PRKG1: variants seen among roughly 807,000 people sequenced by gnomAD.
The protein encoded by PRKG1 is cGMP-dependent protein kinase 1.
Under a neutral mutation model 88.1 loss-of-function variants are expected in PRKG1, and 35 were observed. The ratio of observed to expected loss-of-function variants is 0.40; its 90% CI spans 0.30 to 0.53. PRKG1 has a LOEUF of 0.53. Among genes scored for constraint, PRKG1 ranks in the 20% least tolerant of loss-of-function variants. The probability of loss-of-function intolerance (pLI) is 0.59; values close to 1 mark genes in which losing one functional copy is unlikely to be tolerated. For synonymous variants in PRKG1, 303 were observed against 292.5 expected, an observed-to-expected ratio of 1.04 and a Z score of -0.37; for missense variants, 540 against 839.8, an observed-to-expected ratio of 0.64 and a Z score of 4.41.
intron 3 of PRKG1, among the ~76,000 whole-genome samples, chr10:51,749,730 T>G (rs1268332066): frequency 1.3e-5 from 2 of 152,100 alleles, no homozygotes; most frequent in African/African-American, 4.8e-5. Context: ...CTCAATACAT[T>G]TTTCCCAACA....
chr10:51,804,784 C>T (rs2132611600), intron 4 of PRKG1, 94 bp downstream of exon 4: 1 of 828,882 alleles, frequency 1.2e-6, no homozygotes, highest in South Asian at 1.5e-5. Flanking sequence ...GTGCTTTTTG[C>T]CTTTCTCTCA....
At chr10:52,224,108 C>A (rs1840318492) in intron 9 of PRKG1, among the ~76,000 whole-genome samples, 1 of 152,040 alleles carries the variant, frequency 6.6e-6, no homozygotes, top group African/African-American at 2.4e-5. Context: ...GAATAAAAGG[C>A]AAATCTTTAC....
chr10:51,883,098 G>A (rs973729902), intron 4 of PRKG1, among the ~76,000 whole-genome samples: 2 of 152,208 alleles, frequency 1.3e-5, no homozygotes, highest in African/African-American at 4.8e-5. Flanking sequence ...GAACAAAAAG[G>A]TGGAAAAAGG....
At chr10:51,562,610 T>C (rs1248400123) in intron 3 of PRKG1, among the ~76,000 whole-genome samples, 1 of 152,120 alleles carries the variant, frequency 6.6e-6, no homozygotes, top group African/African-American at 2.4e-5. Flanking sequence ...CATCTGGAAA[T>C]GTATTATCTC....
chr10:51,003,317 A>T (rs78435339), intron 1 of PRKG1, among the ~76,000 whole-genome samples: 2 of 152,286 alleles, frequency 1.3e-5, no homozygotes, highest in East Asian at 3.9e-4. Context: ...CAAATTCCCG[A>T]AGTATAGCAG....
chr10:52,179,808 C>T (rs1366532160), intron 9 of PRKG1, among the ~76,000 whole-genome samples: 2 of 152,182 alleles, frequency 1.3e-5, no homozygotes, highest in African/African-American at 4.8e-5. Context: ...CCTGCCTCAG[C>T]CTCCCAAGTA....
At chr10:52,234,472 G>C (rs1478514881) in intron 9 of PRKG1, among the ~76,000 whole-genome samples, 2 of 151,582 alleles carry the variant, frequency 1.3e-5, no homozygotes, top group Non-Finnish European at 2.9e-5. Context: ...GTGCTTAAAG[G>C]AGCTGATGGA....
intron 3 of PRKG1, among the ~76,000 whole-genome samples, chr10:51,525,024 G>C (rs1310856914): frequency 6.6e-6 from 1 of 152,034 alleles, no homozygotes; most frequent in Non-Finnish European, 1.5e-5. Context: ...TGTTCCCTAA[G>C]GGCTTTAAGC....
intron 4 of PRKG1, among the ~76,000 whole-genome samples, chr10:51,821,111 C>T (rs1373323125): frequency 1.3e-5 from 2 of 152,140 alleles, no homozygotes; most frequent in Non-Finnish European, 2.9e-5. Flanking sequence ...GTAGTATGTA[C>T]TCTTCTGTGT....
intron 1 of PRKG1, among the ~76,000 whole-genome samples, chr10:51,107,231 G>T (rs1428503112): frequency 2.0e-5 from 3 of 152,168 alleles, no homozygotes; most frequent in African/African-American, 7.2e-5. Flanking sequence ...GTGGGAATGC[G>T]GTGGGACACA....
chr10:51,137,665 C>A (rs1332818775), intron 1 of PRKG1, among the ~76,000 whole-genome samples: 1 of 152,094 alleles, frequency 6.6e-6, no homozygotes, highest in Non-Finnish European at 1.5e-5. Context: ...TTTGAGTTGA[C>A]CTACTGAATT....
chr10:52,271,584 C>A, intron 11 of PRKG1, 95 bp downstream of exon 11: 2 of 1,302,752 alleles, frequency 1.5e-6, no homozygotes, highest in South Asian at 2.0e-5. Context: ...TAACACATTT[C>A]GTATGCACAA....
At chr10:51,463,875 CATAA>C (rs1839809084) in intron 2 of PRKG1, among the ~76,000 whole-genome samples, 1 of 152,180 alleles carries the variant, frequency 6.6e-6, no homozygotes, top group Admixed American at 6.5e-5. Flanking sequence ...TCCTCGTTCA[CATAA>C]CAGGTGTGAG....
At chr10:51,951,365 G>A (rs558901205) in intron 5 of PRKG1, among the ~76,000 whole-genome samples, 2 of 152,290 alleles carry the variant, frequency 1.3e-5, no homozygotes, top group South Asian at 4.1e-4. Flanking sequence ...GAGATACACA[G>A]CCAACCCACA....
At chr10:51,274,432 GAAGA>G (rs1186001402) in intron 2 of PRKG1, among the ~76,000 whole-genome samples, 2 of 152,140 alleles carry the variant, frequency 1.3e-5, no homozygotes, top group African/African-American at 4.8e-5. Context: ...ATGAAAATGA[GAAGA>G]ATCAAGTAAT....
chr10:52,175,685 A>G (rs988504600), intron 9 of PRKG1, among the ~76,000 whole-genome samples: 10 of 152,122 alleles, frequency 6.6e-5, no homozygotes, highest in African/African-American at 2.4e-4. Flanking sequence ...GATAAAAGCT[A>G]TTCTAACTGG....
chr10:51,074,894 A>G lies in PRKG1; in HGVS notation c.304A>G (p.Ser102Gly), dbSNP rs1219354819. ...SHVTLPFYPK[S>G]PQSKDLIKEA... ...TGTGACCCTGCCCTTCTACCCCAAGAGCCCACAGTAAGCAGGGGTGACGCG... is the reference window on the plus strand; with the variant it reads ...TGTGACCCTGCCCTTCTACCCCAAGGGCCCACAGTAAGCAGGGGTGACGCG... The change falls in exon 1 of 18, where the codon AGC (serine) becomes GGC (glycine). Residue 102 changes from serine (S) to glycine (G), a missense_variant. By Grantham distance (56) the Ser-to-Gly change is moderately conservative. This residue lies in a region of PRKG1 where 400 missense variants were observed against 562.7 expected (regional missense o/e 0.71). Transcript: ENST00000373980. 2.5e-6 allele frequency: 4 copies of G among 1,605,648 alleles called. No homozygotes were observed. Among genetic ancestry groups the G allele is most frequent in the Non-Finnish European group, 3.4e-6 (4 of 1,174,006 alleles).
chr10:51,211,724 A>G (rs924717623), intron 2 of PRKG1, among the ~76,000 whole-genome samples: 23 of 152,352 alleles, frequency 1.5e-4, no homozygotes, highest in Admixed American at 1.4e-3. Flanking sequence ...CAATTGCTTC[A>G]AAGAGAATAA....
chr10:52,239,354 A>AAG (rs1840786057), intron 9 of PRKG1, among the ~76,000 whole-genome samples: 1 of 109,596 alleles, frequency 9.1e-6, no homozygotes, highest in Non-Finnish European at 2.2e-5. Context: ...TTAAAAAAAA[A>AAG]AAAGAGATTC....
Sources: gnomAD v4.1 joint callset for allele counts (sites outside exome capture counted in the v4.1 genomes callset) on GRCh38, gnomAD v4.1.1 for gene constraint, gnomAD v4.1.1 regional missense constraint, MANE v1.5 for transcripts, NCBI Gene and HGNC (gene_info 2026-07-23, HGNC 2026-07-21) for gene names.